ENTREP2: variants seen among roughly 807,000 people sequenced by gnomAD.
The protein encoded by ENTREP2 is endosomal transmembrane epsin interactor 2.
At chr15:29,521,229 T>C in the ENTREP2 span, among the ~76,000 whole-genome samples, 1 of 152,200 alleles carries the variant, frequency 6.6e-6, no homozygotes, top group Non-Finnish European at 1.5e-5. Context: ...AAAATCCTGA[T>C]GTACAGAGTT....
At chr15:29,263,973 T>C in the ENTREP2 span, among the ~76,000 whole-genome samples, 2 of 151,816 alleles carry the variant, frequency 1.3e-5, no homozygotes, top group South Asian at 4.2e-4. Context: ...GCTAACACGG[T>C]GAAATCCCCG....
At chr15:29,432,015 T>C in the ENTREP2 span, among the ~76,000 whole-genome samples, 31 of 152,206 alleles carry the variant, frequency 2.0e-4, no homozygotes, top group Non-Finnish European at 4.1e-4. Context: ...TGAGATTTCA[T>C]CCTTTGTTGC....
At chr15:29,490,322 T>C in the ENTREP2 span, among the ~76,000 whole-genome samples, 11 of 152,178 alleles carry the variant, frequency 7.2e-5, no homozygotes, top group Admixed American at 2.0e-4. Flanking sequence ...TTGAAGGTAA[T>C]ACAGAGCCTA....
chr15:29,356,055 T>A, the ENTREP2 span, among the ~76,000 whole-genome samples: 2 of 152,022 alleles, frequency 1.3e-5, no homozygotes, highest in East Asian at 3.9e-4. Flanking sequence ...CCAATAGCGA[T>A]GGTGGTCACC....
chr15:29,378,910 T>C, the ENTREP2 span, among the ~76,000 whole-genome samples: 1 of 152,216 alleles, frequency 6.6e-6, no homozygotes, highest in Non-Finnish European at 1.5e-5. Context: ...GCATCTATTG[T>C]GAATGCCTTT....
chr15:29,589,363 C>A, the ENTREP2 span, among the ~76,000 whole-genome samples: 2 of 152,204 alleles, frequency 1.3e-5, no homozygotes, highest in African/African-American at 4.8e-5. Context: ...GCCTTCTTGG[C>A]TCGTCCAAGT....
chr15:29,642,013 T>C, the ENTREP2 span, among the ~76,000 whole-genome samples: 8,157 of 152,160 alleles, frequency 0.054, 651 homozygotes, highest in African/African-American at 0.17. Context: ...ATATCCCATG[T>C]TCATGTATTC....
At chr15:29,467,040 T>A in the ENTREP2 span, among the ~76,000 whole-genome samples, 5 of 90,212 alleles carry the variant, frequency 5.5e-5, no homozygotes, top group South Asian at 8.2e-4. Flanking sequence ...TGGATGCTGA[T>A]GGCCCCAGGG....
the ENTREP2 span, among the ~76,000 whole-genome samples, chr15:29,279,463 C>T: frequency 6.6e-6 from 1 of 151,928 alleles, no homozygotes; most frequent in African/African-American, 2.4e-5. Context: ...CTCCCGGGTT[C>T]AAGTGATTCT....
the ENTREP2 span, among the ~76,000 whole-genome samples, chr15:29,515,643 GC>G: frequency 6.6e-6 from 1 of 152,216 alleles, no homozygotes; most frequent in Non-Finnish European, 1.5e-5. Context: ...CTGTAATCCA[GC>G]GAGTCCTGTG....
At chr15:29,669,168 G>A in the ENTREP2 span, among the ~76,000 whole-genome samples, 6 of 152,136 alleles carry the variant, frequency 3.9e-5, no homozygotes, top group East Asian at 1.9e-4. Flanking sequence ...AGATTGCGCC[G>A]CTGAACTCCA....
the ENTREP2 span, among the ~76,000 whole-genome samples, chr15:29,326,355 C>A: frequency 6.6e-6 from 1 of 152,136 alleles, no homozygotes; most frequent in South Asian, 2.1e-4. Context: ...AACTCTCAAA[C>A]TAATAAGCTA....
the ENTREP2 span, among the ~76,000 whole-genome samples, chr15:29,516,691 G>A: frequency 6.6e-6 from 1 of 152,098 alleles, no homozygotes; most frequent in African/African-American, 2.4e-5. Context: ...TGGTAAAGTG[G>A]TATTATTTGC....
At chr15:29,667,055 C>G in the ENTREP2 span, among the ~76,000 whole-genome samples, 15 of 152,322 alleles carry the variant, frequency 9.8e-5, no homozygotes, top group South Asian at 3.1e-3. Flanking sequence ...ACCAGTCACA[C>G]TGGATTAGGG....
the ENTREP2 span, among the ~76,000 whole-genome samples, chr15:29,287,404 A>C: frequency 6.6e-6 from 1 of 151,766 alleles, no homozygotes; most frequent in Admixed American, 6.6e-5. Flanking sequence ...AAAAGAAAAA[A>C]AAAAAAAGAA....
At chr15:29,595,087 AAAAAAAAAAAT>A in the ENTREP2 span, among the ~76,000 whole-genome samples, 7 of 148,418 alleles carry the variant, frequency 4.7e-5, no homozygotes, top group Non-Finnish European at 8.9e-5. Flanking sequence ...AAAAAAAAAA[AAAAAAAAAAAT>A]TTAAAATTAG....
the ENTREP2 span, among the ~76,000 whole-genome samples, chr15:29,162,178 A>G: frequency 6.6e-6 from 1 of 152,208 alleles, no homozygotes; most frequent in Non-Finnish European, 1.5e-5. Flanking sequence ...TGGGTCCCCA[A>G]GCAGGTCATT....
the ENTREP2 span, among the ~76,000 whole-genome samples, chr15:29,524,618 G>C: frequency 6.6e-6 from 1 of 152,190 alleles, no homozygotes; most frequent in Non-Finnish European, 1.5e-5. Flanking sequence ...GGATGAACCT[G>C]GGCACTCAGC....
the ENTREP2 span, among the ~76,000 whole-genome samples, chr15:29,502,078 C>A: frequency 7.9e-5 from 12 of 151,900 alleles, no homozygotes; most frequent in Non-Finnish European, 2.9e-5. Context: ...CAATTCCTAT[C>A]AAAAATCTCA....
Sources: gnomAD v4.1 joint callset for allele counts (sites outside exome capture counted in the v4.1 genomes callset) on GRCh38, gnomAD v4.1.1 for gene constraint, MANE v1.5 for transcripts, NCBI Gene and HGNC (gene_info 2026-07-23, HGNC 2026-07-21) for gene names.